Variants in SOX6 observed in about 807,000 individuals in gnomAD.
The protein encoded by SOX6 is SRY-box transcription factor 6.
Under a neutral mutation model 97.8 loss-of-function variants are expected in SOX6, and 11 were observed. The ratio of observed to expected loss-of-function variants is 0.11; its 90% CI spans 0.07 to 0.19. The LOEUF (loss-of-function observed/expected upper bound fraction) is 0.19, where lower values mean the gene tolerates loss of function less well. Among genes scored for constraint, SOX6 ranks in the 10% least tolerant of loss-of-function variants. SOX6 has a pLI of 1.00. For missense variants in SOX6, 810 were observed against 1,039.5 expected, an observed-to-expected ratio of 0.78 and a Z score of 3.04; for synonymous variants, 360 against 371.4, an observed-to-expected ratio of 0.97 and a Z score of 0.35.
intron 15 of SOX6, among the ~76,000 whole-genome samples, chr11:15,974,076 C>A (rs1853392171): frequency 6.6e-6 from 1 of 152,168 alleles, no homozygotes; most frequent in Non-Finnish European, 1.5e-5. Flanking sequence ...AAGAGTTTCT[C>A]AATCTTTAAT....
chr11:16,038,983 G>C (rs1032119874), intron 12 of SOX6, among the ~76,000 whole-genome samples: 1 of 152,060 alleles, frequency 6.6e-6, no homozygotes, highest in Non-Finnish European at 1.5e-5. Context: ...AAGCTGTTTT[G>C]TTTATGTTGT....
chr11:16,154,179 C>A (rs1850535780), intron 6 of SOX6, among the ~76,000 whole-genome samples: 1 of 151,922 alleles, frequency 6.6e-6, no homozygotes, highest in African/African-American at 2.4e-5. Flanking sequence ...AATGAAGATA[C>A]CTTACATATC....
intron 4 of SOX6, among the ~76,000 whole-genome samples, chr11:16,592,900 T>C (rs911030626): frequency 1.3e-5 from 2 of 152,056 alleles, no homozygotes; most frequent in Non-Finnish European, 2.9e-5. Flanking sequence ...CCAAGGAACA[T>C]GATCAGCTCA....
intron 3 of SOX6, among the ~76,000 whole-genome samples, chr11:16,643,333 T>A (rs977372471): frequency 1.1e-4 from 17 of 152,006 alleles, no homozygotes; most frequent in African/African-American, 4.1e-4. Context: ...TACTGGGGGG[T>A]GCCTCCCAGT....
At chr11:16,168,168 G>C (rs1021513570) in intron 6 of SOX6, among the ~76,000 whole-genome samples, 1 of 152,086 alleles carries the variant, frequency 6.6e-6, no homozygotes, top group African/African-American at 2.4e-5. Context: ...CAGCAGTTTT[G>C]GCATGACATA....
chr11:16,009,350 A>G (rs1854645076), intron 13 of SOX6, among the ~76,000 whole-genome samples: 1 of 152,108 alleles, frequency 6.6e-6, no homozygotes, highest in Admixed American at 6.6e-5. Context: ...CAACTTCCTC[A>G]TTGACAGATG....
intron 3 of SOX6, among the ~76,000 whole-genome samples, chr11:16,243,695 A>G (rs959951019): frequency 1.3e-4 from 19 of 151,958 alleles, no homozygotes; most frequent in Non-Finnish European, 8.8e-5. Flanking sequence ...GGACTCAGGC[A>G]ACCACTGATA....
At chr11:16,045,269 G>A (rs1292096357) in intron 12 of SOX6, among the ~76,000 whole-genome samples, 1 of 152,030 alleles carries the variant, frequency 6.6e-6, no homozygotes, top group African/African-American at 2.4e-5. Context: ...GCAATGTGAT[G>A]GTCACTGGAG....
chr11:16,113,497 C>T (rs544433312), intron 6 of SOX6, among the ~76,000 whole-genome samples: 47 of 152,134 alleles, frequency 3.1e-4, no homozygotes, highest in Non-Finnish European at 5.3e-4. Flanking sequence ...AGAAAAGCAC[C>T]GGGTTTGCTG....
At chr11:16,588,454 A>T (rs558154282) in intron 4 of SOX6, among the ~76,000 whole-genome samples, 1 of 152,292 alleles carries the variant, frequency 6.6e-6, no homozygotes, top group East Asian at 1.9e-4. Context: ...AGTACTGATA[A>T]TAATGTTTGC....
At chr11:16,121,290 T>C (rs1436616784) in intron 6 of SOX6, among the ~76,000 whole-genome samples, 1 of 152,006 alleles carries the variant, frequency 6.6e-6, no homozygotes, top group Non-Finnish European at 1.5e-5. Context: ...GTCCCCTTAT[T>C]CCATAAAATG....
chr11:16,457,940 A>C (rs1859844159), intron 1 of SOX6, among the ~76,000 whole-genome samples: 1 of 152,038 alleles, frequency 6.6e-6, no homozygotes, highest in African/African-American at 2.4e-5. Context: ...ATCACAATAT[A>C]TCTCTTCCAC....
At position 15,969,576 on chromosome 11, in the gene SOX6, C is replaced by T. The variant is rs1013083577; in HGVS notation, c.*3233G>A. Reference sequence around the variant, plus strand: ...CACTGTAGCTGATAACTCACTACCCCGAGAGGCACAGTGACTCATCAACTT... The same window carrying T: ...CACTGTAGCTGATAACTCACTACCCTGAGAGGCACAGTGACTCATCAACTT... On this transcript the variant is annotated 3_prime_UTR_variant, in exon 16 of 16. Transcript: ENST00000683767. The T allele has an allele frequency of 5.3e-5, 8 of 152,170 alleles. No homozygotes were observed. The East Asian group carries it at 9.7e-4, about 18-fold the overall frequency. 9.4% of individuals were successfully genotyped at this position (152,170 alleles called of 1,614,324 possible).
intron 6 of SOX6, among the ~76,000 whole-genome samples, chr11:16,126,156 T>C (rs1849607196): frequency 6.6e-6 from 1 of 152,094 alleles, no homozygotes; most frequent in South Asian, 2.1e-4. Context: ...GGGTAGCTTA[T>C]ATTACAACTT....
At chr11:16,591,322 G>C (rs184269746) in intron 4 of SOX6, among the ~76,000 whole-genome samples, 8 of 70,570 alleles carry the variant, frequency 1.1e-4, no homozygotes, top group East Asian at 8.2e-4. Context: ...TAGATACATA[G>C]ATAGATAGAT....
chr11:16,183,990 A>G (rs1262439413), intron 5 of SOX6, 36 bp from the exon 6 acceptor site: 1 of 1,570,690 alleles, frequency 6.4e-7, no homozygotes, highest in South Asian at 1.1e-5. Flanking sequence ...TTAAAATGAA[A>G]TGCTTACACC....
chr11:16,401,092 T>C (rs930211784), intron 1 of SOX6, among the ~76,000 whole-genome samples: 1 of 151,594 alleles, frequency 6.6e-6, no homozygotes, highest in Non-Finnish European at 1.5e-5. Context: ...TCATAACACC[T>C]AATGAAATTG....
intron 3 of SOX6, among the ~76,000 whole-genome samples, chr11:16,628,125 A>AGTTCT (rs1374338869): frequency 6.6e-6 from 1 of 151,916 alleles, no homozygotes; most frequent in Non-Finnish European, 1.5e-5. Flanking sequence ...TTTATTTCTG[A>AGTTCT]GTTCTCTATT....
At chr11:16,641,609 A>G (rs1418340642) in intron 3 of SOX6, among the ~76,000 whole-genome samples, 1 of 152,206 alleles carries the variant, frequency 6.6e-6, no homozygotes, top group Non-Finnish European at 1.5e-5. Flanking sequence ...GTGCATATAT[A>G]CTTAGGATAG....
Sources: gnomAD v4.1 joint callset for allele counts (sites outside exome capture counted in the v4.1 genomes callset) on GRCh38, gnomAD v4.1.1 for gene constraint, MANE v1.5 for transcripts, NCBI Gene and HGNC (gene_info 2026-07-23, HGNC 2026-07-21) for gene names.